Variants in KCNK12 observed in about 807,000 individuals in gnomAD.
KCNK12 encodes the protein potassium channel subfamily K member 12.
KCNK12 carries 6 observed loss-of-function variants against 25.3 expected under a neutral mutation model. That is an observed-to-expected ratio of 0.24 (90% confidence interval 0.13 to 0.47). The LOEUF (loss-of-function observed/expected upper bound fraction) is 0.47. KCNK12 is among the 20% of genes least tolerant of loss of function. The pLI is 0.99. For synonymous variants in KCNK12, 331 were observed against 311.1 expected (o/e 1.06, Z -0.67); for missense variants, 444 against 661.7 (o/e 0.67, Z 3.61).
At chr2:47,531,811 C>T (rs1668936458) in intron 1 of KCNK12, among the ~76,000 whole-genome samples, 1 of 152,178 alleles carries the variant, frequency 6.6e-6, no homozygotes, top group Non-Finnish European at 1.5e-5. Flanking sequence ...TGTGATAAGA[C>T]AGAAGTTTCC....
chr2:47,521,353 A>G lies in KCNK12; in HGVS notation c.847T>C (p.Phe283Leu). 6.2e-7 allele frequency: 1 copy of G among 1,613,718 alleles called. No individual in the cohort carries two copies. Among genetic ancestry groups the G allele is most frequent in the Non-Finnish European group, 8.5e-7 (1 of 1,179,896 alleles). Residue 283 changes from phenylalanine to leucine, a missense_variant, in exon 2 of 2, where the codon TTC (phenylalanine) becomes CTC (leucine). By Grantham distance (22) the Phe-to-Leu change is conservative. Transcript: ENST00000327876. ...QGLYRLGNFL[F>L]ILLGVCCIYS... Reference sequence around the variant, plus strand: ...ATGCAGCACACGCCGAGCAGGATGAAGAGGAAGTTGCCCAGGCGGTAGAGC... The same window carrying G: ...ATGCAGCACACGCCGAGCAGGATGAGGAGGAAGTTGCCCAGGCGGTAGAGC...
At position 47,570,365 on chromosome 2, in the gene KCNK12, C is replaced by T; in HGVS notation, c.-34G>A. The T allele has an allele frequency of 8.2e-7, 1 of 1,219,744 alleles. No homozygotes were observed. The highest frequency in any genetic ancestry group is 1.0e-6 in the Non-Finnish European group (1 of 981,498). The allele number at this position is 1,219,744 out of a possible 1,614,324, so 75.6% of individuals were successfully genotyped here. ...GCTCAGCCCCGGGGCCGGGGCGGCG[C>T]TCGGGGCCCGGGCCACGACATCCCC... On this transcript the variant is annotated 5_prime_UTR_variant, in exon 1 of 2. Transcript: ENST00000327876.
rs189844613 is a variant in KCNK12, at chr2:47,515,818, T to A, written c.*5089A>T. Among the ~76,000 whole-genome samples, 43 of 152,298 alleles carry A rather than the reference T, an allele frequency of 2.8e-4. No individual in the cohort carries two copies. The highest frequency in any genetic ancestry group is 1.0e-3 in the African/African-American group (43 of 41,538). ...TAAGCTGCTTCTGAAAAGAAGGGGT[T>A]TGCAAAGCCAACCCAGGCAAAAGCA... On this transcript the variant is annotated 3_prime_UTR_variant, in exon 2 of 2. Coordinates refer to ENST00000327876, the MANE Select transcript of KCNK12 (RefSeq NM_022055.2).
In KCNK12 at chr2:47,537,477, C is replaced by T. The variant is rs186783008; in HGVS notation, c.392-15669G>A. ...TCCTGAGTAGCTGGGATTACAGGCG[C>T]CCACCACGACGCCCAGCTAATTTTT... is the stretch of plus-strand genomic sequence containing the variant. On this transcript the variant is annotated intron_variant, in intron 1 of 1. Transcript: ENST00000327876. Among the ~76,000 whole-genome samples the T allele has an allele frequency of 2.7e-3, 415 of 151,790 alleles. 2 individuals carry two copies. Among genetic ancestry groups the T allele is most frequent in the South Asian group, 0.01 (50 of 4,772 alleles).
chr2:47,563,765 TTATGAAGG>T (rs1669733352), intron 1 of KCNK12: 2 of 232,868 alleles, frequency 8.6e-6, no homozygotes, highest in Non-Finnish European at 1.7e-5. Flanking sequence ...CTGGGGAAAG[TTATGAAGG>T]ATCTTTGTGG....
Position 47,519,571 on chromosome 2 carries a change from T to TCCTC in KCNK12, c.*1335_*1336insGAGG, listed in dbSNP as rs1668602381. 1 of 152,174 alleles carries TCCTC rather than the reference T, an allele frequency of 6.6e-6. No individual in the cohort carries two copies. The allele number at this position is 152,174 out of a possible 1,614,324, so 9.4% of individuals were successfully genotyped here. A position where few individuals can be genotyped will look rare whatever the true frequency, so the allele number is the denominator to read the frequency against. On this transcript the variant is annotated 3_prime_UTR_variant, in exon 2 of 2. Coordinates refer to ENST00000327876, the MANE Select transcript of KCNK12 (RefSeq NM_022055.2). Reference sequence around the variant, plus strand: ...CCTGGGTATCTGGCCTTCCTCCAGGTCAGGGACCCCCTATGCTGCAGAAGG... The same window carrying TCCTC: ...CCTGGGTATCTGGCCTTCCTCCAGGTCCTCCAGGGACCCCCTATGCTGCAGAAGG...
intron 1 of KCNK12, among the ~76,000 whole-genome samples, chr2:47,536,237 G>A (rs779938564): frequency 3.3e-5 from 5 of 152,154 alleles, no homozygotes; most frequent in Non-Finnish European, 7.3e-5. Flanking sequence ...CTGAATCCTC[G>A]CCATCATCTG....
chr2:47,520,870 G>A lies in KCNK12; in HGVS notation c.*37C>T. The A allele has an allele frequency of 8.2e-7, 1 of 1,221,814 alleles. No homozygotes were observed. The highest frequency in any genetic ancestry group is 1.0e-6 in the Non-Finnish European group (1 of 976,196). 75.7% of individuals were successfully genotyped at this position (1,221,814 alleles called of 1,614,324 possible). On this transcript the variant is annotated 3_prime_UTR_variant, in exon 2 of 2. Transcript: ENST00000327876. The surrounding 1 kb of genome is among the most constrained non-coding windows in gnomAD (Gnocchi z 5.0). ...GCAAACCACGCCCGGCGGCCCCGCGGCCTGGAGAGGGTCCCCGGCGCGGGC... is the reference window on the plus strand; with the variant it reads ...GCAAACCACGCCCGGCGGCCCCGCGACCTGGAGAGGGTCCCCGGCGCGGGC...
chr2:47,534,640 G>A (rs970738732), intron 1 of KCNK12, among the ~76,000 whole-genome samples: 3 of 150,580 alleles, frequency 2.0e-5, no homozygotes, highest in South Asian at 2.1e-4. Flanking sequence ...TGATGAACCC[G>A]GAGTGAGGAG....
At position 47,557,369 on chromosome 2, in the gene KCNK12, G is replaced by A. The variant is rs1322282703; in HGVS notation, c.391+12572C>T. 6.6e-6 allele frequency among the ~76,000 whole-genome samples: 1 copy of A among 152,108 alleles called. No homozygotes were observed. Among genetic ancestry groups the A allele is most frequent in the Non-Finnish European group, 1.5e-5 (1 of 68,026 alleles). On this transcript the variant is annotated intron_variant, in intron 1 of 1. Transcript: ENST00000327876. The surrounding 1 kb of genome is among the most constrained non-coding windows in gnomAD (Gnocchi z 4.9). ...TCCACATGGATGACTCTTGCCAGAT[G>A]CCAGAGCCCTCTATCATAAACTTCC...
rs1169416403 is a variant in KCNK12, at chr2:47,540,829, T to C, written c.392-19021A>G. ...AGCTGGGCATGGTGGCTCACACCTG[T>C]AGTTCCAGCTACTCAGGAGGCTGAG... On this transcript the variant is annotated intron_variant, in intron 1 of 1. Transcript: ENST00000327876. The surrounding 1 kb of genome is among the most constrained non-coding windows in gnomAD (Gnocchi z 5.4). Among the ~76,000 whole-genome samples, 1 of 152,112 alleles carries C rather than the reference T, an allele frequency of 6.6e-6. No homozygotes were observed. The highest frequency in any genetic ancestry group is 2.4e-5 in the African/African-American group (1 of 41,408).
Position 47,513,952 on chromosome 2 carries a change from C to T in KCNK12, c.*6955G>A, listed in dbSNP as rs942397523. 5.9e-5 allele frequency among the ~76,000 whole-genome samples: 9 copies of T among 152,158 alleles called. No individual in the cohort carries two copies. The highest frequency in any genetic ancestry group is 2.2e-4 in the African/African-American group (9 of 41,420). ...CCACTCCTGCATTCTGAGTCATTTT[C>T]GGCAGCACACGCATCCTTAAAACCC... On this transcript the variant is annotated 3_prime_UTR_variant, in exon 2 of 2. Coordinates refer to ENST00000327876, the MANE Select transcript of KCNK12 (RefSeq NM_022055.2).
At chr2:47,553,910 A>C (rs1328162902) in intron 1 of KCNK12, among the ~76,000 whole-genome samples, 3 of 152,230 alleles carry the variant, frequency 2.0e-5, no homozygotes, top group Non-Finnish European at 2.9e-5. Context: ...AAAGAACAAA[A>C]GATCTGGGGT....
intron 1 of KCNK12, among the ~76,000 whole-genome samples, chr2:47,559,041 T>A (rs1004771828): frequency 1.3e-5 from 2 of 152,124 alleles, no homozygotes; most frequent in Non-Finnish European, 2.9e-5. Flanking sequence ...GAAATCTGAG[T>A]CAGTGGGAAA....
chr2:47,531,756 A>G (rs1366587524), intron 1 of KCNK12, among the ~76,000 whole-genome samples: 1 of 152,222 alleles, frequency 6.6e-6, no homozygotes, highest in Non-Finnish European at 1.5e-5. Flanking sequence ...GGGTGCAGCC[A>G]GTTCTAGGCA....
chr2:47,551,543 A>C lies in KCNK12; in HGVS notation c.391+18398T>G, dbSNP rs1298374198. Among the ~76,000 whole-genome samples, 2 of 152,164 alleles carry C rather than the reference A, an allele frequency of 1.3e-5. No individual in the cohort carries two copies. The highest frequency in any genetic ancestry group is 4.8e-5 in the African/African-American group (2 of 41,430). Reference sequence around the variant, plus strand: ...ATTTTCAGTTGCTGGCACATAGTGGAGCGCTCAAGAAATATTTGTTGAATA... The same window carrying C: ...ATTTTCAGTTGCTGGCACATAGTGGCGCGCTCAAGAAATATTTGTTGAATA... On this transcript the variant is annotated intron_variant, in intron 1 of 1. Transcript: ENST00000327876. This position sits in a 1 kb window ranked among gnomAD's most constrained non-coding sequence, Gnocchi z 5.3.
At position 47,569,546 on chromosome 2, in the gene KCNK12, G is replaced by A. The variant is rs567179476; in HGVS notation, c.391+395C>T. ...ATGAAAAGAAATAAAAGCGCCGAGGGTGGAGGGAGAAGGGGCTTTTGAGAT... is the reference window on the plus strand; with the variant it reads ...ATGAAAAGAAATAAAAGCGCCGAGGATGGAGGGAGAAGGGGCTTTTGAGAT... On this transcript the variant is annotated intron_variant, in intron 1 of 1. Coordinates refer to ENST00000327876, the MANE Select transcript of KCNK12 (RefSeq NM_022055.2). The surrounding 1 kb of genome is among the most constrained non-coding windows in gnomAD (Gnocchi z 4.1). Among the ~76,000 whole-genome samples the A allele has an allele frequency of 6.6e-6, 1 of 152,282 alleles. No homozygotes were observed. The highest frequency in any genetic ancestry group is 2.1e-4 in the South Asian group (1 of 4,820).
At chr2:47,567,198 C>A (rs1043099174) in intron 1 of KCNK12, 1 of 152,190 alleles carries the variant, frequency 6.6e-6, no homozygotes, top group African/African-American at 2.4e-5. Flanking sequence ...TCATTTTGTT[C>A]CCCTGAATTC....
In KCNK12 at chr2:47,562,983, C is replaced by G; in HGVS notation, c.391+6958G>C. On this transcript the variant is annotated intron_variant, in intron 1 of 1. Transcript: ENST00000327876. This position sits in a 1 kb window ranked among gnomAD's most constrained non-coding sequence, Gnocchi z 4.8. ...AACTGGACGGAAAAAATGGAAGGGC[C>G]AGAAAACTTGGGGAGGACTCCAGAG... The G allele has an allele frequency of 4.3e-6, 1 of 233,474 alleles. No individual in the cohort carries two copies. Among genetic ancestry groups the G allele is most frequent in the East Asian group, 6.0e-5 (1 of 16,602 alleles). The allele number at this position is 233,474 out of a possible 1,614,324, so 14.5% of individuals were successfully genotyped here.
Sources: gnomAD v4.1 joint callset for allele counts (sites outside exome capture counted in the v4.1 genomes callset) on GRCh38, gnomAD v4.1.1 for gene constraint, Gnocchi (gnomAD v3.1) non-coding constraint, MANE v1.5 for transcripts, NCBI Gene and HGNC (gene_info 2026-07-23, HGNC 2026-07-21) for gene names.